Variants in SP140 observed in about 807,000 individuals in gnomAD.
The protein encoded by SP140 is SP140 nuclear body protein.
A neutral mutation model predicts 125.0 loss-of-function variants in SP140; 81 were observed. The observed-to-expected ratio is 0.65, with a 90% confidence interval of 0.54 to 0.78. The LOEUF (loss-of-function observed/expected upper bound fraction) is 0.78, where lower values mean the gene tolerates loss of function less well. Among genes scored for constraint, SP140 ranks in the 30% least tolerant of loss-of-function variants. SP140 has a pLI of 0.00. For synonymous variants in SP140, 312 were observed against 354.0 expected, an observed-to-expected ratio of 0.88 and a Z score of 1.33; for missense variants, 858 against 1,037.0, an observed-to-expected ratio of 0.83 and a Z score of 2.37.
At chr2:230,238,790 CA>C in intron 3 of SP140, 1 of 1,553,416 alleles carries the variant, frequency 6.4e-7, no homozygotes, top group Non-Finnish European at 8.7e-7. Context: ...AGTCCTGTGT[CA>C]ACTTGTTTCT....
chr2:230,248,739 A>G, intron 8 of SP140, 146 bp from the exon 9 acceptor site: 1 of 636,734 alleles, frequency 1.6e-6, no homozygotes, highest in Middle Eastern at 4.3e-4. Context: ...ACAGAGAAGG[A>G]GAAAGAGGAG....
chr2:230,311,713 G>A (rs2059345852), intron 26 of SP140, 118 bp downstream of exon 26: 1 of 1,058,200 alleles, frequency 9.5e-7, no homozygotes. Flanking sequence ...AAGGGTTCTG[G>A]AAGTGATTGA....
At chr2:230,269,674 A>G in intron 13 of SP140, 56 bp downstream of exon 13, 1 of 1,204,000 alleles carries the variant, frequency 8.3e-7, no homozygotes, top group Non-Finnish European at 1.2e-6. Context: ...AAAGAGAAAA[A>G]GGAGGAGAAA....
In SP140 at chr2:230,296,898, G is replaced by A. The variant is rs1268003988; in HGVS notation, c.2017-523G>A. Among the ~76,000 whole-genome samples, 5 of 152,178 alleles carry A rather than the reference G, an allele frequency of 3.3e-5. No individual in the cohort carries two copies. In the East Asian group the frequency reaches 5.8e-4, roughly 18 times the overall value. ...GAATGGGACTTGCATTGGGATTAAC[G>A]GTAGTACTTGCACACTTTTTATTCT... On this transcript the variant is annotated intron_variant, in intron 21 of 26. Transcript: ENST00000392045.
chr2:230,291,995 G>C (rs1002026511), intron 19 of SP140, among the ~76,000 whole-genome samples: 7 of 152,002 alleles, frequency 4.6e-5, no homozygotes, highest in African/African-American at 1.7e-4. Context: ...TTTTGGTTTT[G>C]GTTTGTGTTT....
At chr2:230,213,803 T>C (rs2044768370) in intron 2 of SP140, 1 of 152,408 alleles carries the variant, frequency 6.6e-6, no homozygotes, top group Non-Finnish European at 1.5e-5. Context: ...GTCCCCATGG[T>C]TCTCAGATGT....
rs1293078556 is a variant in SP140, at chr2:230,248,983, A to C, written c.976+15A>C. The C allele has an allele frequency of 1.3e-6, 2 of 1,594,614 alleles. No homozygotes were observed. Among genetic ancestry groups the C allele is most frequent in the Admixed American group, 1.7e-5 (1 of 59,156 alleles). On this transcript the variant is annotated intron_variant, in intron 9 of 26. Coordinates refer to ENST00000392045, the MANE Select transcript of SP140 (RefSeq NM_007237.5). ...TGAAGGAGAAGGTAATTATGATTTA[A>C]GTTTTTAAATATTTGAGTACATCTT...
rs28445040 is a variant in SP140, at chr2:230,245,867, C to T, written c.669C>T (p.Ser223=). 0.17 allele frequency: 270,353 copies of T among 1,594,098 alleles called. 24,594 individuals carry two copies. Among genetic ancestry groups the T allele is most frequent in the Middle Eastern group, 0.22 (1,307 of 6,024 alleles). Residue 223 remains serine, a synonymous_variant, in exon 7 of 27, where the codon TCC becomes TCT. Coordinates refer to ENST00000392045, the MANE Select transcript of SP140 (RefSeq NM_007237.5). ...TGTTCCTCTTTCACTCTGCAGTGTC[C>T]TGTAAACTTGCTATACAAATAGATG... ...APSLLPGGGV[S]CKLAIQIDEG...
At position 230,251,064 on chromosome 2, in the gene SP140, A is replaced by G. The variant is rs1181614446; in HGVS notation, c.1057+3A>G. The G allele has an allele frequency of 6.2e-7, 1 of 1,612,406 alleles. No individual in the cohort carries two copies. The highest frequency in any genetic ancestry group is 1.7e-5 in the Admixed American group (1 of 59,964). On this transcript the variant is annotated splice_donor_region_variant and intron_variant, in intron 10 of 26. Coordinates refer to ENST00000392045, the MANE Select transcript of SP140 (RefSeq NM_007237.5). Reference sequence around the variant, plus strand: ...CTCCCTAGCAAGATGTGGGTCAGGTAAAGAAGGGGAGGATTTCTGGCCCTG... The same window carrying G: ...CTCCCTAGCAAGATGTGGGTCAGGTGAAGAAGGGGAGGATTTCTGGCCCTG...
At chr2:230,278,568 A>G (rs1405309299) in intron 15 of SP140, among the ~76,000 whole-genome samples, 1 of 152,016 alleles carries the variant, frequency 6.6e-6, no homozygotes, top group Non-Finnish European at 1.5e-5. Flanking sequence ...CTAAAGAATA[A>G]TTGCCCAGAC....
intron 1 of SP140, among the ~76,000 whole-genome samples, chr2:230,226,168 G>C (rs903192671): frequency 4.6e-5 from 7 of 152,098 alleles, no homozygotes; most frequent in Admixed American, 1.3e-4. Context: ...CCTGTTCTGA[G>C]GCTTTGTGTA....
rs923559893 is a variant in SP140 at position 230,232,213 on chromosome 2, C to T, written c.60-4870C>T. ...TTCTTGGGGTTTGTGGAGGTAAAAT[C>T]CATAAAAGGTTGGGGGCCTGCCCTG... On this transcript the variant is annotated intron_variant, in intron 1 of 26. Coordinates refer to ENST00000392045, the MANE Select transcript of SP140 (RefSeq NM_007237.5). 2.0e-5 allele frequency among the ~76,000 whole-genome samples: 3 copies of T among 152,158 alleles called. No individual in the cohort carries two copies. In the South Asian group the frequency reaches 6.2e-4, roughly 32 times the overall value.
intron 1 of SP140, among the ~76,000 whole-genome samples, chr2:230,207,213 C>T (rs2043965268): frequency 6.6e-6 from 1 of 152,064 alleles, no homozygotes; most frequent in African/African-American, 2.4e-5. Flanking sequence ...CAGAAAAATC[C>T]ATCATTCTAC....
At chr2:230,296,386 C>A (rs2057734493) in intron 21 of SP140, among the ~76,000 whole-genome samples, 1 of 152,220 alleles carries the variant, frequency 6.6e-6, no homozygotes, top group Non-Finnish European at 1.5e-5. Flanking sequence ...TTGTTTATGG[C>A]CTCTGTGCCC....
chr2:230,195,528 C>T, the SP140 span, among the ~76,000 whole-genome samples: 1 of 152,102 alleles, frequency 6.6e-6, no homozygotes, highest in Admixed American at 6.5e-5. Flanking sequence ...CGGGGTTTCA[C>T]CATGTTGGCC....
the SP140 span, among the ~76,000 whole-genome samples, chr2:230,192,971 GTGT>G: frequency 2.6e-5 from 4 of 152,112 alleles, no homozygotes; most frequent in Non-Finnish European, 5.9e-5. Flanking sequence ...CACTATTATT[GTGT>G]TGTTGTCTTA....
At position 230,248,032 on chromosome 2, in the gene SP140, A is replaced by T; in HGVS notation, c.859A>T (p.Lys287Ter). Residue 287 changes from lysine to a stop codon, truncating the protein, a stop_gained, in exon 8 of 27, where the codon AAG becomes TAG. Coordinates refer to ENST00000392045, the MANE Select transcript of SP140 (RefSeq NM_007237.5). LOFTEE classifies it high-confidence loss of function. ...SPRKRNQDKEKYQESPEGRDK... is the reference protein window; with the variant it reads ...SPRKRNQDKE The stretch of plus-strand genomic sequence containing the variant: ...CAGAAAAAGAAACCAAGACAAGGAG[A>T]AGTACCAAGAGAGTCCAGAGGGAAG... 3 of 1,613,822 alleles carry T rather than the reference A, an allele frequency of 1.9e-6. No individual in the cohort carries two copies. The highest frequency in any genetic ancestry group is 2.5e-6 in the Non-Finnish European group (3 of 1,179,852).
chr2:230,297,461 G>A lies in SP140; in HGVS notation c.2057G>A (p.Cys686Tyr). Residue 686 changes from cysteine (C) to tyrosine (Y), a missense_variant and splice_region_variant, in exon 22 of 27, where the codon TGT becomes TAT. Physicochemically the swap from Cys to Tyr is radical, Grantham distance 194. Transcript: ENST00000392045. ...CAAAACAATAGCTCAGTTGACCCTT[G>A]TGTAAGTACAAATTCTGAACTACGA... ...KSQNNSSVDP[C>Y]MRNLDECEVC... 1.2e-6 allele frequency: 2 copies of A among 1,613,806 alleles called. No homozygotes were observed. Among genetic ancestry groups the A allele is most frequent in the Non-Finnish European group, 1.7e-6 (2 of 1,179,740 alleles).
At chr2:230,307,943 T>C (rs1397470393) in intron 22 of SP140, among the ~76,000 whole-genome samples, 3 of 91,978 alleles carry the variant, frequency 3.3e-5, no homozygotes, top group Non-Finnish European at 6.8e-5. Context: ...AAAAAGACAC[T>C]TGGACATGCA....
Sources: gnomAD v4.1 joint callset for allele counts (sites outside exome capture counted in the v4.1 genomes callset) on GRCh38, gnomAD v4.1.1 for gene constraint, MANE v1.5 for transcripts, NCBI Gene and HGNC (gene_info 2026-07-23, HGNC 2026-07-21) for gene names.